The following ADRA1B variants were observed in gnomAD, a reference collection of about 807,000 sequenced individuals.
The protein encoded by ADRA1B is adrenoceptor alpha 1B.
ADRA1B carries 17 observed loss-of-function variants against 17.9 expected under a neutral mutation model. The ratio of observed to expected loss-of-function variants is 0.95; its 90% CI spans 0.65 to 1.42. The LOEUF (loss-of-function observed/expected upper bound fraction) is 1.42, where lower values mean the gene tolerates loss of function less well. Ranked by LOEUF, ADRA1B falls within the 40% of genes most tolerant of loss-of-function variation. ADRA1B has a pLI of 0.00. For synonymous variants in ADRA1B, 366 were observed against 327.6 expected (o/e 1.12, Z -1.27); for missense variants, 681 against 722.1 (o/e 0.94, Z 0.65).
chr5:159,982,040 G>A, the ADRA1B span, among the ~76,000 whole-genome samples: 14 of 146,512 alleles, frequency 9.6e-5, no homozygotes, highest in East Asian at 7.7e-4. Context: ...TTTCTTTCTC[G>A]GAATGCTCAC....
chr5:159,932,364 C>G (rs1019823486), intron 1 of ADRA1B, among the ~76,000 whole-genome samples: 1 of 152,058 alleles, frequency 6.6e-6, no homozygotes. Flanking sequence ...CCTCATGTTG[C>G]CCAGGCTGGT....
chr5:159,910,152 T>G (rs1374947703), intron 1 of ADRA1B, among the ~76,000 whole-genome samples: 1 of 152,196 alleles, frequency 6.6e-6, no homozygotes, highest in Non-Finnish European at 1.5e-5. Context: ...AGTTCTTTGT[T>G]GAGTGTTTTT....
chr5:159,925,219 GA>G (rs1055920168), intron 1 of ADRA1B, among the ~76,000 whole-genome samples: 20 of 152,298 alleles, frequency 1.3e-4, no homozygotes, highest in African/African-American at 4.1e-4. Flanking sequence ...AAGGAGGAAA[GA>G]AAAAGCATGT....
chr5:159,975,742 T>C (rs555681068), downstream of ADRA1B, among the ~76,000 whole-genome samples: 4 of 152,298 alleles, frequency 2.6e-5, no homozygotes, highest in South Asian at 8.3e-4. Context: ...TACATTTTGC[T>C]GGCCTTTCCA....
chr5:159,955,195 T>G (rs1294969648), intron 1 of ADRA1B: 2 of 985,262 alleles, frequency 2.0e-6, no homozygotes, highest in Non-Finnish European at 2.4e-6. Context: ...TCATTCACTC[T>G]GTATTGGAGA....
At chr5:159,908,624 A>C (rs958573572) in intron 1 of ADRA1B, among the ~76,000 whole-genome samples, 3 of 152,172 alleles carry the variant, frequency 2.0e-5, no homozygotes, top group Admixed American at 6.5e-5. Flanking sequence ...GTACAGCCCC[A>C]ATAAGCCTTT....
intron 1 of ADRA1B, chr5:159,870,498 GA>G (rs1753723819): frequency 6.6e-6 from 1 of 152,196 alleles, no homozygotes; most frequent in Non-Finnish European, 1.5e-5. Context: ...TGGCCTATGG[GA>G]GATTCAAAGA....
chr5:159,944,001 T>C (rs1198254364), intron 1 of ADRA1B, among the ~76,000 whole-genome samples: 4 of 152,014 alleles, frequency 2.6e-5, no homozygotes, highest in Non-Finnish European at 5.9e-5. Flanking sequence ...TCTCTTCCTT[T>C]AAAACCAATA....
upstream of ADRA1B, among the ~76,000 whole-genome samples, chr5:159,912,470 AC>A (rs1189039826): frequency 1.3e-5 from 2 of 152,140 alleles, no homozygotes; most frequent in Admixed American, 1.3e-4. Flanking sequence ...CCGCTGGGGA[AC>A]CTTTACTCCC....
At chr5:159,970,695 T>C (rs1755850187) in intron 1 of ADRA1B, among the ~76,000 whole-genome samples, 1 of 152,230 alleles carries the variant, frequency 6.6e-6, no homozygotes, top group African/African-American at 2.4e-5. Flanking sequence ...CCACCAGCCA[T>C]GAACAAAGCT....
rs1338417647 is a variant in ADRA1B at position 159,917,440 on chromosome 5, G to A, written c.535G>A (p.Gly179Arg). The change falls in exon 1 of 2, where the codon GGG becomes AGG. Residue 179 changes from glycine (G) to arginine (R), a missense_variant. Physicochemically the swap from Gly to Arg is moderately radical, Grantham distance 125. Around this residue, in one of 3 missense-constraint regions of ADRA1B, gnomAD observed 424 missense variants for 480.2 expected, o/e 0.88. Transcript: ENST00000306675. ...GGTCTTGTCCACCGTCATCTCCATC[G>A]GGCCTCTCCTTGGGTGGAAGGAGCC... ...VWVLSTVISIGPLLGWKEPAP... is the reference protein window; with the variant it reads ...VWVLSTVISIRPLLGWKEPAP... 3.1e-6 allele frequency: 5 copies of A among 1,614,100 alleles called. No individual in the cohort carries two copies. The highest frequency in any genetic ancestry group is 4.2e-6 in the Non-Finnish European group (5 of 1,180,036).
chr5:159,865,968 T>C (rs1753647220), intron 1 of ADRA1B, among the ~76,000 whole-genome samples: 1 of 152,192 alleles, frequency 6.6e-6, no homozygotes, highest in Non-Finnish European at 1.5e-5. Context: ...CTCTTTCATA[T>C]TCATTAACTC....
chr5:159,866,416 G>A (rs1021535026), intron 1 of ADRA1B, among the ~76,000 whole-genome samples: 6 of 151,548 alleles, frequency 4.0e-5, no homozygotes, highest in Admixed American at 6.6e-5. Context: ...GTGAAACCCC[G>A]TCTCCACTAA....
intron 1 of ADRA1B, among the ~76,000 whole-genome samples, chr5:159,970,923 A>G (rs1037272825): frequency 1.3e-5 from 2 of 151,924 alleles, no homozygotes; most frequent in Non-Finnish European, 2.9e-5. Flanking sequence ...TCCTGCCTCA[A>G]CCTCCCAAGT....
intron 1 of ADRA1B, among the ~76,000 whole-genome samples, chr5:159,922,746 C>T (rs1754523636): frequency 6.6e-6 from 1 of 152,224 alleles, no homozygotes; most frequent in Admixed American, 6.5e-5. Flanking sequence ...AATCATTCAT[C>T]CATTCACTGA....
chr5:159,985,608 T>C, the ADRA1B span, among the ~76,000 whole-genome samples: 32,006 of 152,176 alleles, frequency 0.21, 4,085 homozygotes, highest in African/African-American at 0.36. Flanking sequence ...GATGGGAATA[T>C]GTACACCACA....
chr5:159,961,358 G>A (rs1755661714), intron 1 of ADRA1B, among the ~76,000 whole-genome samples: 1 of 152,148 alleles, frequency 6.6e-6, no homozygotes, highest in Admixed American at 6.5e-5. Flanking sequence ...AGGTGGCTGT[G>A]GTTATTATTG....
At chr5:159,982,949 G>A in the ADRA1B span, among the ~76,000 whole-genome samples, 1 of 152,188 alleles carries the variant, frequency 6.6e-6, no homozygotes, top group African/African-American at 2.4e-5. Flanking sequence ...TTACTAAGAT[G>A]CTCTGAACGT....
chr5:159,942,215 G>C (rs1561602108), intron 1 of ADRA1B, among the ~76,000 whole-genome samples: 2 of 152,182 alleles, frequency 1.3e-5, no homozygotes, highest in South Asian at 4.2e-4. Flanking sequence ...AGCCGCCATG[G>C]CCGGCCGGGT....
Sources: allele counts gnomAD v4.1 joint callset (sites outside exome capture counted in the v4.1 genomes callset), GRCh38; gene constraint gnomAD v4.1.1; regional missense constraint gnomAD v4.1.1; transcripts MANE v1.5; gene names NCBI Gene and HGNC (gene_info 2026-07-23, HGNC 2026-07-21).